The following ASB3 variants were observed in gnomAD, a reference collection of about 807,000 sequenced individuals.
The protein encoded by ASB3 is ankyrin repeat and SOCS box protein 3.
In ASB3, 41 loss-of-function variants were observed where a neutral mutation model predicts 54.5. That is an observed-to-expected ratio of 0.75 (90% CI 0.59 to 0.98). The LOEUF is 0.98. Among genes scored for constraint, ASB3 ranks in the 50% least tolerant of loss-of-function variants. The pLI is 0.00. For missense variants in ASB3, 733 were observed against 620.0 expected (o/e 1.18, Z -1.94); for synonymous variants, 266 against 221.2 (o/e 1.20, Z -1.80).
chr2:53,763,917 T>C (rs1266921286), intron 2 of ASB3, among the ~76,000 whole-genome samples: 2 of 152,310 alleles, frequency 1.3e-5, no homozygotes, highest in South Asian at 2.1e-4. Context: ...TCAACTATAA[T>C]AGACACTAGA....
rs564852979 is a variant in ASB3 at position 53,752,593 on chromosome 2, C to T, written c.197-1652G>A. On this transcript the variant is annotated intron_variant, in intron 2 of 9. Coordinates refer to ENST00000263634, the MANE Select transcript of ASB3 (RefSeq NM_016115.5). Reference sequence around the variant, plus strand: ...ACGTGTTAAGGCACGGAATTTTTCGCCCCCATGGGCATGTTTAGGCAAGCC... The same window carrying T: ...ACGTGTTAAGGCACGGAATTTTTCGTCCCCATGGGCATGTTTAGGCAAGCC... 1.1e-4 allele frequency among the ~76,000 whole-genome samples: 16 copies of T among 152,362 alleles called. No homozygotes were observed. In the East Asian group the frequency reaches 2.7e-3, roughly 26 times the overall value.
chr2:53,731,534 A>C (rs575147093), intron 3 of ASB3, among the ~76,000 whole-genome samples: 1 of 152,234 alleles, frequency 6.6e-6, no homozygotes, highest in Admixed American at 6.5e-5. Flanking sequence ...ATTCAAAAGC[A>C]TTTACCATGG....
At chr2:53,716,138 T>TA (rs1364292252) in intron 6 of ASB3, among the ~76,000 whole-genome samples, 1 of 152,206 alleles carries the variant, frequency 6.6e-6, no homozygotes, top group Non-Finnish European at 1.5e-5. Flanking sequence ...TCAAAGGGTT[T>TA]AAGACAGGGA....
chr2:53,732,508 A>T (rs1671377175), intron 3 of ASB3, among the ~76,000 whole-genome samples: 1 of 152,204 alleles, frequency 6.6e-6, no homozygotes, highest in Admixed American at 6.5e-5. Context: ...TATGAAGGAG[A>T]GTGAAGGTAA....
Position 53,705,608 on chromosome 2 carries a change from A to C in ASB3, c.981-5080T>G, listed in dbSNP as rs191963732. Among the ~76,000 whole-genome samples the C allele has an allele frequency of 3.9e-5, 6 of 152,216 alleles. 1 individual carries two copies. The highest frequency in any genetic ancestry group is 3.9e-4 in the Admixed American group (6 of 15,292). On this transcript the variant is annotated intron_variant, in intron 7 of 9. Coordinates refer to ENST00000263634, the MANE Select transcript of ASB3 (RefSeq NM_016115.5). ...ACAGGCCTCTTAAATCTGTAAATTT[A>C]TATCTTTATCCAATAATAGGAAGTT...
intron 9 of ASB3, 92 bp from the exon 10 acceptor site, chr2:53,670,782 T>A: frequency 7.3e-7 from 1 of 1,375,926 alleles, no homozygotes; most frequent in Non-Finnish European, 9.8e-7. Context: ...CAACTCTTAG[T>A]AATAAAAGTG....
At chr2:53,763,524 G>C (rs141965208) in intron 2 of ASB3, 2 of 169,426 alleles carry the variant, frequency 1.2e-5, no homozygotes, top group African/African-American at 4.8e-5. Context: ...CTTCAGGGCA[G>C]ACTGCCGAAC....
At chr2:53,714,965 G>C (rs1241136855) in intron 6 of ASB3, among the ~76,000 whole-genome samples, 1 of 151,912 alleles carries the variant, frequency 6.6e-6, no homozygotes, top group East Asian at 1.9e-4. Flanking sequence ...GTATAAACTG[G>C]CATCAAGAAA....
intron 7 of ASB3, among the ~76,000 whole-genome samples, chr2:53,712,216 CA>C (rs764847561): frequency 0.1 from 13,332 of 133,160 alleles, 716 homozygotes; most frequent in African/African-American, 0.18. Context: ...TAAAAAAATA[CA>C]AAAAAAAAAA....
intron 5 of ASB3, among the ~76,000 whole-genome samples, chr2:53,719,214 C>T (rs551190376): frequency 2.6e-5 from 4 of 152,134 alleles, no homozygotes; most frequent in Admixed American, 6.5e-5. Flanking sequence ...TGAGCCACCA[C>T]GCCCAACCAG....
At chr2:53,704,037 G>C (rs1248986367) in intron 7 of ASB3, among the ~76,000 whole-genome samples, 2 of 152,126 alleles carry the variant, frequency 1.3e-5, no homozygotes, top group Non-Finnish European at 2.9e-5. Flanking sequence ...ACTGGTAAAA[G>C]TGATATAGGA....
chr2:53,700,209 G>T, intron 8 of ASB3, 62 bp downstream of exon 8: 2 of 1,549,998 alleles, frequency 1.3e-6, no homozygotes, highest in South Asian at 2.6e-5. Flanking sequence ...CTCAACTGAA[G>T]GAAATTAAAG....
chr2:53,693,834 G>A, intron 9 of ASB3, 50 bp downstream of exon 9: 2 of 1,580,842 alleles, frequency 1.3e-6, no homozygotes, highest in Non-Finnish European at 1.7e-6. Flanking sequence ...AGCTAGAGAA[G>A]CAAGAGAAGG....
At chr2:53,740,888 G>C (rs1248729154) in intron 3 of ASB3, among the ~76,000 whole-genome samples, 1 of 152,076 alleles carries the variant, frequency 6.6e-6, no homozygotes, top group African/African-American at 2.4e-5. Flanking sequence ...ATTATATATT[G>C]TTTATTTTTC....
intron 2 of ASB3, among the ~76,000 whole-genome samples, chr2:53,758,798 G>A (rs1198087777): frequency 2.0e-5 from 3 of 152,270 alleles, no homozygotes; most frequent in Middle Eastern, 3.4e-3. Context: ...AATGACTAGA[G>A]GTGCTGGCAT....
intron 5 of ASB3, among the ~76,000 whole-genome samples, chr2:53,724,500 G>T (rs2103883338): frequency 6.6e-6 from 1 of 152,194 alleles, no homozygotes; most frequent in African/African-American, 2.4e-5. Context: ...TTGGGAGGCT[G>T]AGGCAGGAGA....
At chr2:53,691,232 G>A (rs1668894898) in intron 9 of ASB3, among the ~76,000 whole-genome samples, 1 of 152,130 alleles carries the variant, frequency 6.6e-6, no homozygotes, top group Non-Finnish European at 1.5e-5. Context: ...AACTACCATG[G>A]CAAGTTGCTA....
intron 1 of ASB3, among the ~76,000 whole-genome samples, chr2:53,772,474 G>A (rs940745064): frequency 6.6e-6 from 1 of 151,824 alleles, no homozygotes; most frequent in Non-Finnish European, 1.5e-5. Flanking sequence ...GCGCCCAGCC[G>A]TGGGATTTTT....
intron 9 of ASB3, among the ~76,000 whole-genome samples, chr2:53,674,270 C>T (rs1427271501): frequency 2.0e-5 from 3 of 152,168 alleles, no homozygotes; most frequent in Non-Finnish European, 4.4e-5. Flanking sequence ...AACCATGCTA[C>T]ACTTCTAAGT....
Sources: allele counts gnomAD v4.1 joint callset (sites outside exome capture counted in the v4.1 genomes callset), GRCh38; gene constraint gnomAD v4.1.1; transcripts MANE v1.5; gene names NCBI Gene and HGNC (gene_info 2026-07-23, HGNC 2026-07-21).